Variants in TP63 observed in about 807,000 individuals in gnomAD.
TP63 encodes tumor protein p63, also known as tumor protein 63.
Under a neutral mutation model 82.8 loss-of-function variants are expected in TP63, and 17 were observed. The observed-to-expected ratio is 0.21, with a 90% CI of 0.14 to 0.31. TP63 has a LOEUF of 0.31. Ranked by LOEUF, TP63 falls within the 10% of genes least tolerant of loss-of-function variation. The pLI, the probability that TP63 is intolerant of heterozygous loss-of-function variation, is 1.00. For synonymous variants in TP63, 330 were observed against 321.7 expected, an observed-to-expected ratio of 1.03 and a Z score of -0.28; for missense variants, 648 against 895.3, an observed-to-expected ratio of 0.72 and a Z score of 3.52.
chr3:189,622,577 A>C, the TP63 span, among the ~76,000 whole-genome samples: 2 of 152,188 alleles, frequency 1.3e-5, no homozygotes, highest in African/African-American at 2.4e-5. Flanking sequence ...TCTGGTTTTG[A>C]AGATGCAATA....
chr3:189,614,816 A>G, the TP63 span, among the ~76,000 whole-genome samples: 2 of 152,186 alleles, frequency 1.3e-5, no homozygotes, highest in African/African-American at 4.8e-5. Flanking sequence ...ATCCTGCTGA[A>G]CTATATGTAT....
the TP63 span, among the ~76,000 whole-genome samples, chr3:189,617,231 C>T: frequency 6.6e-6 from 1 of 152,162 alleles, no homozygotes; most frequent in African/African-American, 2.4e-5. Context: ...ATTGATGTAA[C>T]GCATACAGTG....
At chr3:189,871,627 G>A (rs570071498) in intron 9 of TP63, among the ~76,000 whole-genome samples, 8 of 152,292 alleles carry the variant, frequency 5.3e-5, no homozygotes, top group Non-Finnish European at 1.2e-4. Context: ...TGCCTAGGGT[G>A]CAAAATTTAA....
At chr3:189,839,493 C>T (rs1313172474) in intron 4 of TP63, among the ~76,000 whole-genome samples, 1 of 152,026 alleles carries the variant, frequency 6.6e-6, no homozygotes, top group Non-Finnish European at 1.5e-5. Context: ...TGAAACAGGC[C>T]TTCTATTTTT....
At chr3:189,657,386 G>A (rs1713478174) in intron 1 of TP63, among the ~76,000 whole-genome samples, 1 of 151,916 alleles carries the variant, frequency 6.6e-6, no homozygotes, top group Non-Finnish European at 1.5e-5. Flanking sequence ...AGGCAGAATG[G>A]GGTAAAACAG....
At chr3:189,706,554 G>A (rs530887477) in intron 1 of TP63, among the ~76,000 whole-genome samples, 20 of 152,120 alleles carry the variant, frequency 1.3e-4, no homozygotes, top group East Asian at 1.2e-3. Flanking sequence ...GTGCCCGGCC[G>A]TGAATTTACT....
At chr3:189,825,276 A>G (rs1031908912) in intron 4 of TP63, among the ~76,000 whole-genome samples, 1 of 152,256 alleles carries the variant, frequency 6.6e-6, no homozygotes, top group Non-Finnish European at 1.5e-5. Context: ...AGGCATATAC[A>G]TTCACAGCGT....
At chr3:189,873,292 A>G (rs1718662971) in intron 10 of TP63, 1 of 456,508 alleles carries the variant, frequency 2.2e-6, no homozygotes, top group South Asian at 2.1e-5. Flanking sequence ...CATACACACT[A>G]ACAGTAAGTA....
At chr3:189,828,748 C>G (rs906544028) in intron 4 of TP63, among the ~76,000 whole-genome samples, 2 of 152,114 alleles carry the variant, frequency 1.3e-5, no homozygotes, top group Admixed American at 6.5e-5. Flanking sequence ...CTTCAGTTTT[C>G]TTATCTGTAA....
intron 1 of TP63, among the ~76,000 whole-genome samples, chr3:189,646,296 A>G (rs1412112344): frequency 6.8e-6 from 1 of 146,908 alleles, no homozygotes; most frequent in Non-Finnish European, 1.5e-5. Flanking sequence ...TTGTCTTGTT[A>G]ATTTTGGTCT....
intron 10 of TP63, among the ~76,000 whole-genome samples, chr3:189,878,509 C>T (rs1719505688): frequency 6.7e-6 from 1 of 150,160 alleles, no homozygotes; most frequent in Non-Finnish European, 1.5e-5. Flanking sequence ...CTGCCTCAGC[C>T]TCCTGCGTAG....
chr3:189,656,047 CATA>C (rs1178031032), intron 1 of TP63, among the ~76,000 whole-genome samples: 1 of 152,126 alleles, frequency 6.6e-6, no homozygotes, highest in Non-Finnish European at 1.5e-5. Context: ...AGAAAAATAA[CATA>C]ATCAACAAGA....
chr3:189,628,207 A>G (rs1729362558), upstream of TP63, among the ~76,000 whole-genome samples: 1 of 152,110 alleles, frequency 6.6e-6, no homozygotes, highest in South Asian at 2.1e-4. Flanking sequence ...TTTTATGTGG[A>G]AAAAAGAGGG....
At chr3:189,651,856 C>A (rs1460324638) in intron 1 of TP63, among the ~76,000 whole-genome samples, 1 of 147,252 alleles carries the variant, frequency 6.8e-6, no homozygotes, top group Admixed American at 6.7e-5. Flanking sequence ...GGAAAAGGTA[C>A]AGCTAAGGCT....
intron 4 of TP63, among the ~76,000 whole-genome samples, chr3:189,822,701 A>G (rs1728921395): frequency 1.3e-5 from 2 of 152,098 alleles, no homozygotes; most frequent in Non-Finnish European, 2.9e-5. Context: ...AGCATTGTTT[A>G]TTTTTGGAGC....
intron 1 of TP63, among the ~76,000 whole-genome samples, chr3:189,692,172 A>G (rs1716987285): frequency 3.9e-5 from 6 of 152,230 alleles, no homozygotes; most frequent in Admixed American, 3.3e-4. Context: ...GTTTACCTCT[A>G]CACACCAGTA....
intron 1 of TP63, among the ~76,000 whole-genome samples, chr3:189,710,146 C>T (rs970393867): frequency 3.3e-5 from 5 of 151,848 alleles, no homozygotes; most frequent in South Asian, 2.1e-4. Context: ...TAGGGAAAGG[C>T]GTGGGGAGAG....
rs11333832 is a variant in TP63 at position 189,878,593 on chromosome 3, CTTTTT to C, written c.1349+5609_1349+5613del. On this transcript the variant is annotated intron_variant, in intron 10 of 13. Coordinates refer to ENST00000264731, the MANE Select transcript of TP63 (RefSeq NM_003722.5). ...GATATATATATATAATTTTTTTTTT[CTTTTT>C]TTTTTTTTTTAGTAGAGACGGGATT... Among the ~76,000 whole-genome samples, 15 of 130,380 alleles carry C rather than the reference CTTTTT, an allele frequency of 1.2e-4. No individual in the cohort carries two copies. In the South Asian group the frequency reaches 3.6e-3, roughly 31 times the overall value. The allele number at this position is 130,380 out of a possible 152,430, so 85.5% of individuals were successfully genotyped here.
chr3:189,663,416 A>C (rs948750347), intron 1 of TP63, among the ~76,000 whole-genome samples: 14 of 151,822 alleles, frequency 9.2e-5, no homozygotes, highest in African/African-American at 3.4e-4. Context: ...TGGTTATGCT[A>C]TCCTTTGCTG....
Sources: allele counts gnomAD v4.1 joint callset (sites outside exome capture counted in the v4.1 genomes callset), GRCh38; gene constraint gnomAD v4.1.1; transcripts MANE v1.5; gene names NCBI Gene and HGNC (gene_info 2026-07-23, HGNC 2026-07-21).